The following PIK3C2B variants were observed in gnomAD, a reference collection of about 807,000 sequenced individuals.
PIK3C2B encodes phosphatidylinositol 4-phosphate 3-kinase C2 domain-containing subunit beta.
Under a neutral mutation model 184.3 loss-of-function variants are expected in PIK3C2B, and 83 were observed. That is an observed-to-expected ratio of 0.45 (90% confidence interval 0.38 to 0.54). The LOEUF is 0.54. Among genes scored for constraint, PIK3C2B ranks in the 20% least tolerant of loss-of-function variants. The probability of loss-of-function intolerance (pLI) is 0.00; values close to 1 mark genes in which losing one functional copy is unlikely to be tolerated. For missense variants in PIK3C2B, 1,736 were observed against 2,113.5 expected, an observed-to-expected ratio of 0.82 and a Z score of 3.50; for synonymous variants, 779 against 837.6, an observed-to-expected ratio of 0.93 and a Z score of 1.21.
rs78930382 is a variant in PIK3C2B, at chr1:204,460,365, G to C, written c.1461C>G (p.Leu487=). Residue 487 remains leucine (L), a synonymous_variant, in exon 7 of 33, where the codon CTC becomes CTG. Coordinates refer to ENST00000684373, the MANE Select transcript of PIK3C2B (RefSeq NM_001377334.1). ...TGACAGGCCTCTCTTGGAGATGGAC[G>C]AGGTAGTTCAAGGTGGAGGGGCTCT... The part of the protein sequence containing the change: ...DDQSPSTLNY[L]VHLQERPVKQ... The C allele has an allele frequency of 4.3e-6, 7 of 1,613,982 alleles. No individual in the cohort carries two copies. Among genetic ancestry groups the C allele is most frequent in the Non-Finnish European group, 5.9e-6 (7 of 1,179,908 alleles).
intron 1 of PIK3C2B, among the ~76,000 whole-genome samples, chr1:204,486,325 G>A (rs954478742): frequency 1.3e-4 from 19 of 151,336 alleles, no homozygotes; most frequent in Admixed American, 9.2e-4. Context: ...AACCCGGGAG[G>A]TGGAGGTTGC....
chr1:204,493,151 C>T (rs1454648521), intron 1 of PIK3C2B, among the ~76,000 whole-genome samples: 1 of 152,166 alleles, frequency 6.6e-6, no homozygotes, highest in Non-Finnish European at 1.5e-5. Context: ...TTCCCAAAGC[C>T]TGATGCAGCA....
intron 23 of PIK3C2B, among the ~76,000 whole-genome samples, chr1:204,437,791 G>A (rs1005074566): frequency 6.6e-6 from 1 of 152,320 alleles, no homozygotes; most frequent in African/African-American, 2.4e-5. Context: ...CAGGTTTCAA[G>A]AGGCAAAGGA....
intron 4 of PIK3C2B, 128 bp from the exon 5 acceptor site, chr1:204,464,260 C>T (rs1312376521): frequency 1.6e-6 from 2 of 1,234,938 alleles, no homozygotes; most frequent in Non-Finnish European, 2.3e-6. Context: ...ATAAAGCAGG[C>T]AAGTAGTTCA....
rs372103925 is a variant in PIK3C2B at position 204,429,904 on chromosome 1, G to C, written c.4398+17C>G. ...CCACCAGCCTGGACAGCCAGGAGGA[G>C]AGGCAAGCCCACCCACCTCGGCCAC... On this transcript the variant is annotated intron_variant, in intron 29 of 32. Transcript: ENST00000684373. 4 of 1,523,308 alleles carry C rather than the reference G, an allele frequency of 2.6e-6. No homozygotes were observed. The highest frequency in any genetic ancestry group is 4.5e-5 in the East Asian group (2 of 44,494). The allele number at this position is 1,523,308 out of a possible 1,614,324, so 94.4% of individuals were successfully genotyped here.
At chr1:204,483,239 T>G (rs566062055) in intron 1 of PIK3C2B, among the ~76,000 whole-genome samples, 1 of 152,052 alleles carries the variant, frequency 6.6e-6, no homozygotes, top group Non-Finnish European at 1.5e-5. Context: ...CTGGGAAACA[T>G]AGACTCCATC....
At chr1:204,461,193 A>AT (rs1231344470) in intron 5 of PIK3C2B, among the ~76,000 whole-genome samples, 1 of 152,124 alleles carries the variant, frequency 6.6e-6, no homozygotes, top group African/African-American at 2.4e-5. Context: ...TCCCCACCCA[A>AT]CTTCTTTTTC....
At position 204,433,684 on chromosome 1, in the gene PIK3C2B, G is replaced by A. The variant is rs1675191527; in HGVS notation, c.3843+109C>T. 3.7e-6 allele frequency: 4 copies of A among 1,086,294 alleles called. No homozygotes were observed. Among genetic ancestry groups the A allele is most frequent in the Admixed American group, 3.7e-5 (2 of 53,574 alleles). 67.3% of individuals were successfully genotyped at this position (1,086,294 alleles called of 1,614,324 possible). A position where few individuals can be genotyped will look rare whatever the true frequency, so the allele number is the denominator to read the frequency against. ...CTAGGGCAGGCAGGTATTCAGTTGG[G>A]GCTCAGAGAGGTAAATCTCTAGAAA... On this transcript the variant is annotated intron_variant, in intron 25 of 32. Transcript: ENST00000684373. This position sits in a 1 kb window ranked among gnomAD's most constrained non-coding sequence, Gnocchi z 5.0.
chr1:204,459,880 C>G lies in PIK3C2B; in HGVS notation c.1564G>C (p.Asp522His). The G allele has an allele frequency of 6.2e-7, 1 of 1,613,318 alleles. No individual in the cohort carries two copies. The highest frequency in any genetic ancestry group is 1.1e-5 in the South Asian group (1 of 91,008). ...CCAGCCCCTGGATTCGTACTCACAT[C>G]AGCCAGCAGGAAGGCATCCACCTCA... is the stretch of plus-strand genomic sequence containing the variant. ...HNEVDAFLLA[D>H]GDFPLKADRV... The change falls in exon 8 of 33, where the codon GAT becomes CAT. Residue 522 changes from aspartate to histidine, a missense_variant and splice_region_variant. Coordinates refer to ENST00000684373, the MANE Select transcript of PIK3C2B (RefSeq NM_001377334.1).
intron 1 of PIK3C2B, among the ~76,000 whole-genome samples, chr1:204,477,960 T>G (rs147647985): frequency 1.3e-5 from 2 of 152,220 alleles, no homozygotes; most frequent in African/African-American, 4.8e-5. Context: ...AAGAAGGTAC[T>G]GCATGTCTTG....
intron 16 of PIK3C2B, among the ~76,000 whole-genome samples, chr1:204,444,736 C>G (rs2103483860): frequency 6.6e-6 from 1 of 152,294 alleles, no homozygotes; most frequent in Non-Finnish European, 1.5e-5. Context: ...CCCTTGACTC[C>G]CACTGTGCCA....
chr1:204,422,719 C>G lies in PIK3C2B; in HGVS notation c.*2133G>C, dbSNP rs1160852607. The G allele has an allele frequency of 2.0e-5, 3 of 152,344 alleles. No homozygotes were observed. The highest frequency in any genetic ancestry group is 4.4e-5 in the Non-Finnish European group (3 of 67,982). 9.4% of individuals were successfully genotyped at this position (152,344 alleles called of 1,614,324 possible). A position where few individuals can be genotyped will look rare whatever the true frequency, so the allele number is the denominator to read the frequency against. The stretch of plus-strand genomic sequence containing the variant: ...TCTGGGAAGTGGGAAGTAAACAGTA[C>G]ACAGATCTCTTTAAATCAGGAGCAT... On this transcript the variant is annotated 3_prime_UTR_variant, in exon 33 of 33. Coordinates refer to ENST00000684373, the MANE Select transcript of PIK3C2B (RefSeq NM_001377334.1).
At chr1:204,463,736 T>A (rs1396686365) in intron 5 of PIK3C2B, among the ~76,000 whole-genome samples, 2 of 123,766 alleles carry the variant, frequency 1.6e-5, no homozygotes, top group African/African-American at 6.1e-5. Flanking sequence ...CATCTCTCCA[T>A]AAGCAGAATC....
At chr1:204,487,724 A>T (rs994164727) in intron 1 of PIK3C2B, among the ~76,000 whole-genome samples, 2 of 152,230 alleles carry the variant, frequency 1.3e-5, no homozygotes, top group Admixed American at 6.5e-5. Flanking sequence ...CTATATATTA[A>T]GACGCTGGGA....
At position 204,424,431 on chromosome 1, in the gene PIK3C2B, C is replaced by T. The variant is rs1335933983; in HGVS notation, c.*421G>A. ...TCTCTTGCCTTCTGGGGCATAGGTA[C>T]GTCCCTTCTCGCAAGGCTTCCTGTC... On this transcript the variant is annotated 3_prime_UTR_variant, in exon 33 of 33. Coordinates refer to ENST00000684373, the MANE Select transcript of PIK3C2B (RefSeq NM_001377334.1). 2 of 337,376 alleles carry T rather than the reference C, an allele frequency of 5.9e-6. No individual in the cohort carries two copies. The highest frequency in any genetic ancestry group is 1.2e-5 in the Non-Finnish European group (2 of 169,656). 20.9% of individuals were successfully genotyped at this position (337,376 alleles called of 1,614,324 possible).
intron 1 of PIK3C2B, chr1:204,489,987 T>A (rs1217535620): frequency 5.0e-6 from 2 of 397,076 alleles, no homozygotes; most frequent in African/African-American, 4.2e-5. Flanking sequence ...CCACTCAAGC[T>A]TCTTCCTGGT....
intron 2 of PIK3C2B, among the ~76,000 whole-genome samples, chr1:204,465,945 T>C (rs1422909265): frequency 6.6e-6 from 1 of 152,232 alleles, no homozygotes; most frequent in African/African-American, 2.4e-5. Flanking sequence ...TTGGCTCCTC[T>C]GGCTTCCGAG....
chr1:204,481,790 GC>G (rs553361418), intron 1 of PIK3C2B, among the ~76,000 whole-genome samples: 1 of 152,128 alleles, frequency 6.6e-6, no homozygotes. Flanking sequence ...CTTCTGGCAG[GC>G]CCCCCAGGGT....
At chr1:204,427,609 T>A (rs1395854891) in intron 31 of PIK3C2B, 39 bp downstream of exon 31, 3 of 1,434,972 alleles carry the variant, frequency 2.1e-6, no homozygotes, top group Admixed American at 3.4e-5. Flanking sequence ...TAAAGAAACA[T>A]TAAAAAAGAA....
Sources: allele counts gnomAD v4.1 joint callset (sites outside exome capture counted in the v4.1 genomes callset), GRCh38; gene constraint gnomAD v4.1.1; non-coding constraint Gnocchi (gnomAD v3.1); transcripts MANE v1.5; gene names NCBI Gene and HGNC (gene_info 2026-07-23, HGNC 2026-07-21).